The following IL7 variants were observed in gnomAD, a reference collection of about 807,000 sequenced individuals.
The protein encoded by IL7 is interleukin 7.
Under a neutral mutation model 21.6 loss-of-function variants are expected in IL7, and 3 were observed. The ratio of observed to expected loss-of-function variants is 0.14; its 90% CI spans 0.06 to 0.36. The LOEUF is 0.36. Ranked by LOEUF, IL7 falls within the 10% of genes least tolerant of loss-of-function variation. The pLI, the probability that IL7 is intolerant of heterozygous loss-of-function variation, is 1.00. For synonymous variants in IL7, 62 were observed against 68.1 expected (o/e 0.91, Z 0.44); for missense variants, 175 against 200.2 (o/e 0.87, Z 0.76).
chr8:78,698,522 A>G (rs1223540063), intron 3 of IL7: 1 of 1,563,224 alleles, frequency 6.4e-7, no homozygotes, highest in Non-Finnish European at 8.7e-7. Flanking sequence ...GGGTAAGTCT[A>G]CACTGGATAT....
At chr8:78,722,423 TAAG>T (rs1382409903) in intron 3 of IL7, among the ~76,000 whole-genome samples, 1 of 152,006 alleles carries the variant, frequency 6.6e-6, no homozygotes, top group African/African-American at 2.4e-5. Flanking sequence ...TTGCTTTCAA[TAAG>T]AATTTATTTT....
intron 2 of IL7, among the ~76,000 whole-genome samples, chr8:78,771,431 A>G (rs1812950618): frequency 1.3e-5 from 2 of 152,122 alleles, no homozygotes; most frequent in African/African-American, 4.8e-5. Flanking sequence ...TAATCCAATC[A>G]GAGTACATCT....
intron 3 of IL7, among the ~76,000 whole-genome samples, chr8:78,690,805 CAT>C (rs1810187527): frequency 6.6e-6 from 1 of 152,034 alleles, no homozygotes; most frequent in Non-Finnish European, 1.5e-5. Context: ...AGGTCATACA[CAT>C]GTTTTGTTAG....
intron 2 of IL7, among the ~76,000 whole-genome samples, chr8:78,750,132 G>C (rs557291004): frequency 1.2e-4 from 18 of 152,214 alleles, no homozygotes; most frequent in African/African-American, 4.3e-4. Context: ...ACCTTCTGAG[G>C]TTTTATCAGA....
chr8:78,772,966 CATCATTTATTGTTGTGT>C (rs1325864849), intron 2 of IL7, among the ~76,000 whole-genome samples: 2 of 152,136 alleles, frequency 1.3e-5, no homozygotes, highest in African/African-American at 4.8e-5. Context: ...CTTCGTCTTG[CATCATTTATTGTTGTGT>C]ATTTGTATAA....
At chr8:78,777,109 A>C (rs1403735363) in intron 2 of IL7, among the ~76,000 whole-genome samples, 2 of 152,142 alleles carry the variant, frequency 1.3e-5, no homozygotes, top group Non-Finnish European at 2.9e-5. Flanking sequence ...CAATGTCTTC[A>C]TCGGTTGTCT....
chr8:78,732,009 C>T (rs1811433058), downstream of IL7, among the ~76,000 whole-genome samples: 1 of 152,036 alleles, frequency 6.6e-6, no homozygotes, highest in Non-Finnish European at 1.5e-5. Flanking sequence ...AGGACAGTTT[C>T]AAGAGTTTAC....
At position 78,760,275 on chromosome 8, in the gene IL7, C is replaced by T. The variant is rs1434786426; in HGVS notation, c.148-20193G>A. On this transcript the variant is annotated intron_variant, in intron 2 of 5. Transcript: ENST00000263851. ...ATTTATGTTAAGCAAAGCCAAGTTA[C>T]TTGACCTTTGGTCTGTCAAAGTGTT... 69 of 1,606,468 alleles carry T rather than the reference C, an allele frequency of 4.3e-5. No homozygotes were observed. In the East Asian group the frequency reaches 1.5e-3, roughly 34 times the overall value.
At chr8:78,785,523 TA>T in intron 2 of IL7, among the ~76,000 whole-genome samples, 1 of 152,348 alleles carries the variant, frequency 6.6e-6, no homozygotes, top group Non-Finnish European at 1.5e-5. Flanking sequence ...GGTTGTATAA[TA>T]TTTTTTCATC....
At chr8:78,717,136 A>G (rs1811131050), downstream of IL7, among the ~76,000 whole-genome samples, 1 of 152,134 alleles carries the variant, frequency 6.6e-6, no homozygotes, top group Non-Finnish European at 1.5e-5. Context: ...AACACAGATA[A>G]ATATAATGTT....
intron 2 of IL7, among the ~76,000 whole-genome samples, chr8:78,772,008 T>C (rs1333127313): frequency 1.3e-5 from 2 of 152,152 alleles, no homozygotes; most frequent in Admixed American, 1.3e-4. Context: ...CAGTTATATT[T>C]CCTATTCCAG....
intron 2 of IL7, among the ~76,000 whole-genome samples, chr8:78,751,978 C>T (rs1260559579): frequency 6.6e-6 from 1 of 152,114 alleles, no homozygotes; most frequent in Non-Finnish European, 1.5e-5. Context: ...CTTCCATGAA[C>T]TCAATTATGT....
At chr8:78,712,889 A>C (rs978277816) in intron 3 of IL7, among the ~76,000 whole-genome samples, 4 of 152,216 alleles carry the variant, frequency 2.6e-5, no homozygotes, top group Non-Finnish European at 5.9e-5. Context: ...CAGTCTGCTC[A>C]GTATGTATGT....
At chr8:78,686,717 G>C in intron 3 of IL7, 1 of 1,175,024 alleles carries the variant, frequency 8.5e-7, no homozygotes. Flanking sequence ...AGTGTTATGA[G>C]GCATAATCTT....
At chr8:78,719,379 T>A (rs1265780837) in intron 5 of IL7, 1 of 151,752 alleles carries the variant, frequency 6.6e-6, no homozygotes, top group African/African-American at 2.4e-5. Flanking sequence ...AGAAATCATC[T>A]AGTTCCAGAG....
chr8:78,783,670 C>A (rs1457726298), intron 2 of IL7, among the ~76,000 whole-genome samples: 1 of 152,134 alleles, frequency 6.6e-6, no homozygotes, highest in African/African-American at 2.4e-5. Context: ...TGCTTATATG[C>A]TGTACTTTAT....
chr8:78,718,007 G>A (rs1420040851), exon 7 of IL7: 1 of 151,788 alleles, frequency 6.6e-6, no homozygotes, highest in Non-Finnish European at 1.5e-5. Context: ...CACTCCTGTA[G>A]AGCATGTCAA....
chr8:78,706,752 G>A (rs1377686841), intron 3 of IL7, among the ~76,000 whole-genome samples: 1 of 151,928 alleles, frequency 6.6e-6, no homozygotes, highest in Non-Finnish European at 1.5e-5. Flanking sequence ...ATTCATTTTG[G>A]TTTTTATGTG....
chr8:78,778,532 G>T (rs1427320078), intron 2 of IL7, among the ~76,000 whole-genome samples: 1 of 152,108 alleles, frequency 6.6e-6, no homozygotes. Flanking sequence ...TGTCAGGTTT[G>T]TCAAAGATCG....
Sources: allele counts gnomAD v4.1 joint callset (sites outside exome capture counted in the v4.1 genomes callset), GRCh38; gene constraint gnomAD v4.1.1; transcripts MANE v1.5; gene names NCBI Gene and HGNC (gene_info 2026-07-23, HGNC 2026-07-21).